The following IL1RAPL2 variants were observed in gnomAD, a reference collection of about 807,000 sequenced individuals.
IL1RAPL2 encodes X-linked interleukin-1 receptor accessory protein-like 2.
In IL1RAPL2, 3 loss-of-function variants were observed where a neutral mutation model predicts 44.1. The observed-to-expected ratio is 0.07, with a 90% CI of 0.03 to 0.18. The LOEUF is 0.18. IL1RAPL2 is among the 10% of genes least tolerant of loss of function. The pLI is 1.00. For missense variants in IL1RAPL2, 391 were observed against 496.4 expected (o/e 0.79, Z 2.02); for synonymous variants, 181 against 178.8 (o/e 1.01, Z -0.10).
chrX:104,984,260 T>G (rs1835017289), intron 2 of IL1RAPL2, among the ~76,000 whole-genome samples: 1 of 111,701 alleles, frequency 9.0e-6, no homozygotes, highest in African/African-American at 3.2e-5. Context: ...CATGTGGGAT[T>G]TTCAAAACAT....
At chrX:104,741,981 A>G (rs765129154) in intron 2 of IL1RAPL2, among the ~76,000 whole-genome samples, 31 of 111,657 alleles carry the variant, frequency 2.8e-4, no homozygotes, top group South Asian at 7.4e-4. Context: ...CATTTTGTGC[A>G]GAGTGTTTCC....
chrX:105,474,395 A>G (rs2147771903), intron 5 of IL1RAPL2, among the ~76,000 whole-genome samples: 1 of 112,026 alleles, frequency 8.9e-6, no homozygotes, highest in African/African-American at 3.2e-5. Context: ...AATAGTAAAT[A>G]TGTTGTTTTA....
chrX:104,917,434 C>A (rs1178591716), intron 2 of IL1RAPL2, among the ~76,000 whole-genome samples: 1 of 111,674 alleles, frequency 9.0e-6, no homozygotes, highest in South Asian at 3.7e-4. Flanking sequence ...GTCCTGGGTA[C>A]AAATGAAACT....
chrX:105,500,263 A>G (rs762182099), intron 6 of IL1RAPL2, among the ~76,000 whole-genome samples: 1 of 110,654 alleles, frequency 9.0e-6, no homozygotes, highest in African/African-American at 3.3e-5. Flanking sequence ...CTGTACAACA[A>G]TGGATATATA....
chrX:105,136,728 A>G (rs886915949), intron 2 of IL1RAPL2, among the ~76,000 whole-genome samples: 3 of 112,285 alleles, frequency 2.7e-5, no homozygotes, highest in Admixed American at 9.5e-5. Flanking sequence ...TCTTCATTGT[A>G]TCACTGACTT....
In IL1RAPL2 at chrX:105,446,411, G is replaced by A. The variant is rs1361558241; in HGVS notation, c.698-37902G>A. ...ATACAATGTTATTATTGACACATAA[G>A]GACTTATTCCTCCCATTTTGGTATT... On this transcript the variant is annotated intron_variant, in intron 5 of 10. Transcript: ENST00000372582. 2.7e-5 allele frequency among the ~76,000 whole-genome samples: 3 copies of A among 110,902 alleles called. No individual in the cohort carries two copies. The Admixed American group carries it at 2.9e-4, about 11-fold the overall frequency.
intron 2 of IL1RAPL2, among the ~76,000 whole-genome samples, chrX:104,850,715 C>G (rs938881637): frequency 3.6e-5 from 4 of 111,297 alleles, no homozygotes; most frequent in Admixed American, 9.6e-5. Flanking sequence ...TTTAAAAAAT[C>G]TTGGCTGAAA....
chrX:105,721,862 C>A (rs2038307821), intron 7 of IL1RAPL2, among the ~76,000 whole-genome samples: 1 of 111,986 alleles, frequency 8.9e-6, no homozygotes, highest in African/African-American at 3.2e-5. Context: ...TTTCACAAGA[C>A]CCTACTAGCT....
In IL1RAPL2 at chrX:105,014,640, G is replaced by C. The variant is rs186565165; in HGVS notation, c.83-180835G>C. ...TCATCCATATGCCTGCAAAGGGCAT[G>C]AACTAATCCTTTTTTATGGCTGCAT... On this transcript the variant is annotated intron_variant, in intron 2 of 10. Transcript: ENST00000372582. Among the ~76,000 whole-genome samples, 5 of 112,273 alleles carry C rather than the reference G, an allele frequency of 4.5e-5. No individual in the cohort carries two copies. The East Asian group carries it at 1.1e-3, about 25-fold the overall frequency.
chrX:105,080,277 G>A (rs983889392), intron 2 of IL1RAPL2, among the ~76,000 whole-genome samples: 3 of 111,802 alleles, frequency 2.7e-5, no homozygotes, highest in African/African-American at 9.8e-5. Flanking sequence ...TGGTCTTTTA[G>A]TCATAAAGTC....
intron 2 of IL1RAPL2, among the ~76,000 whole-genome samples, chrX:105,065,154 A>G (rs764015089): frequency 1.5e-4 from 17 of 112,268 alleles, no homozygotes; most frequent in Admixed American, 1.2e-3. Flanking sequence ...TTAATGGAAT[A>G]TCTAGCCCCT....
At chrX:105,699,497 CTG>C (rs1441551342) in intron 6 of IL1RAPL2, among the ~76,000 whole-genome samples, 1 of 111,852 alleles carries the variant, frequency 8.9e-6, no homozygotes, top group Non-Finnish European at 1.9e-5. Flanking sequence ...GTTATTTATT[CTG>C]TGTCATATGA....
At chrX:104,939,980 A>G (rs1320073490) in intron 2 of IL1RAPL2, among the ~76,000 whole-genome samples, 1 of 111,658 alleles carries the variant, frequency 9.0e-6, no homozygotes, top group African/African-American at 3.3e-5. Context: ...GGTAAAGGAT[A>G]TATCTTTTTT....
chrX:104,712,187 T>TGAACTATAATAC (rs1310422629), intron 2 of IL1RAPL2, among the ~76,000 whole-genome samples: 3 of 111,107 alleles, frequency 2.7e-5, no homozygotes, highest in Non-Finnish European at 5.7e-5. Flanking sequence ...AACTGTTTGA[T>TGAACTATAATAC]TGTTCCCAGC....
chrX:104,643,094 C>A (rs1438452419), intron 1 of IL1RAPL2, among the ~76,000 whole-genome samples: 1 of 111,975 alleles, frequency 8.9e-6, no homozygotes, highest in African/African-American at 3.2e-5. Flanking sequence ...GAGTGTTTTG[C>A]TGCAGGCTTT....
chrX:105,549,580 T>C (rs1257890696), intron 6 of IL1RAPL2, among the ~76,000 whole-genome samples: 5 of 111,560 alleles, frequency 4.5e-5, no homozygotes, highest in Non-Finnish European at 9.4e-5. Flanking sequence ...GTAATGGTGG[T>C]ATAGAGGCCC....
At chrX:105,719,430 G>A (rs1191435795) in intron 7 of IL1RAPL2, among the ~76,000 whole-genome samples, 1 of 111,587 alleles carries the variant, frequency 9.0e-6, no homozygotes, top group Non-Finnish European at 1.9e-5. Context: ...GTATGGGTGT[G>A]TTTTTGTGTG....
At chrX:104,805,315 T>C (rs1208261778) in intron 2 of IL1RAPL2, among the ~76,000 whole-genome samples, 1 of 112,078 alleles carries the variant, frequency 8.9e-6, no homozygotes, top group Non-Finnish European at 1.9e-5. Context: ...GATTGAAAAA[T>C]TAAATTGCAA....
Position 105,144,094 on chromosome X carries a change from G to GT in IL1RAPL2, c.83-51381_83-51380insT, listed in dbSNP as rs2033155125. Among the ~76,000 whole-genome samples the GT allele has an allele frequency of 4.7e-3, 376 of 79,563 alleles. 2 individuals carry two copies. The highest frequency in any genetic ancestry group is 7.9e-3 in the Non-Finnish European group (331 of 41,923). The allele number at this position is 79,563 out of a possible 115,157, so 69.1% of individuals were successfully genotyped here. A position where few individuals can be genotyped will look rare whatever the true frequency, so the allele number is the denominator to read the frequency against. ...AGTCAGAGTCTCCTTTCAACAGATG[G>GT]GTGTGTGTGTGTGTGTGTGTGTGTG... On this transcript the variant is annotated intron_variant, in intron 2 of 10. Coordinates refer to ENST00000372582, the MANE Select transcript of IL1RAPL2 (RefSeq NM_017416.2).
Sources: gnomAD v4.1 joint callset for allele counts (sites outside exome capture counted in the v4.1 genomes callset) on GRCh38, gnomAD v4.1.1 for gene constraint, MANE v1.5 for transcripts, NCBI Gene and HGNC (gene_info 2026-07-23, HGNC 2026-07-21) for gene names.